The following CEP192 variants were observed in gnomAD, a reference collection of about 807,000 sequenced individuals.
CEP192 encodes the protein centrosomal protein of 192 kDa.
A neutral mutation model predicts 271.8 loss-of-function variants in CEP192; 151 were observed. The observed-to-expected ratio is 0.56, with a 90% CI of 0.49 to 0.64. The LOEUF is 0.64. Ranked by LOEUF, CEP192 falls within the 30% of genes least tolerant of loss-of-function variation. The pLI is 0.00. For missense variants in CEP192, 2,910 were observed against 3,020.5 expected (o/e 0.96, Z 0.86); for synonymous variants, 995 against 1,076.5 (o/e 0.92, Z 1.48).
At chr18:13,046,137 C>T (rs1350580112) in intron 15 of CEP192, among the ~76,000 whole-genome samples, 1 of 152,064 alleles carries the variant, frequency 6.6e-6, no homozygotes, top group Non-Finnish European at 1.5e-5. Context: ...GGGGGGGCCT[C>T]AGGAAGCTTG....
At chr18:13,027,515 G>A (rs2035370290) in intron 9 of CEP192, among the ~76,000 whole-genome samples, 1 of 152,092 alleles carries the variant, frequency 6.6e-6, no homozygotes, top group African/African-American at 2.4e-5. Context: ...TTTCTGCTTG[G>A]GAGTATATCC....
intron 4 of CEP192, among the ~76,000 whole-genome samples, chr18:13,009,790 G>A (rs754911013): frequency 2.0e-5 from 3 of 152,198 alleles, no homozygotes; most frequent in Non-Finnish European, 4.4e-5. Flanking sequence ...CCGAGATCGT[G>A]CCACTGTACT....
At chr18:13,033,629 A>C (rs1336226199) in intron 11 of CEP192, among the ~76,000 whole-genome samples, 1 of 152,242 alleles carries the variant, frequency 6.6e-6, no homozygotes, top group Non-Finnish European at 1.5e-5. Flanking sequence ...TACTTGCAGC[A>C]TTGTCTGTGA....
intron 9 of CEP192, among the ~76,000 whole-genome samples, chr18:13,026,500 GTCTTC>G (rs1002704765): frequency 6.6e-6 from 1 of 151,970 alleles, no homozygotes; most frequent in African/African-American, 2.4e-5. Flanking sequence ...CTTTCTGTTT[GTCTTC>G]TCTTTTTGAT....
At chr18:13,053,190 G>A (rs2036896875) in intron 18 of CEP192, 100 bp downstream of exon 18, 6 of 949,424 alleles carry the variant, frequency 6.3e-6, no homozygotes, top group Admixed American at 2.5e-5. Flanking sequence ...TATAACTTCA[G>A]TGTTGCTCTT....
intron 1 of CEP192, among the ~76,000 whole-genome samples, chr18:12,995,052 AATT>A (rs1434238005): frequency 8.3e-5 from 11 of 132,356 alleles, no homozygotes; most frequent in Non-Finnish European, 1.6e-5. Flanking sequence ...ACATGGGAGG[AATT>A]TTTTTTTTTT....
chr18:13,057,804 C>G, intron 20 of CEP192, 71 bp downstream of exon 20: 1 of 1,471,650 alleles, frequency 6.8e-7, no homozygotes, highest in Non-Finnish European at 9.4e-7. Flanking sequence ...TCCCCCATCT[C>G]TAGTGCTAGG....
chr18:13,018,067 C>T (rs1169560761), intron 7 of CEP192, among the ~76,000 whole-genome samples: 1 of 152,118 alleles, frequency 6.6e-6, no homozygotes, highest in Non-Finnish European at 1.5e-5. Context: ...AACAGTTTCT[C>T]ATGAATGGAT....
chr18:13,087,862 C>T (rs186184362), intron 32 of CEP192, among the ~76,000 whole-genome samples: 1 of 152,132 alleles, frequency 6.6e-6, no homozygotes, highest in Non-Finnish European at 1.5e-5. Flanking sequence ...TAGAATGTGC[C>T]TTCTTTTCTA....
chr18:13,081,548 A>G (rs2038608550), intron 30 of CEP192, among the ~76,000 whole-genome samples: 1 of 152,058 alleles, frequency 6.6e-6, no homozygotes, highest in Non-Finnish European at 1.5e-5. Context: ...TAGTCTTGCT[A>G]GCAGTCTATC....
intron 20 of CEP192, 135 bp downstream of exon 20, chr18:13,057,868 C>A: frequency 2.8e-6 from 2 of 716,170 alleles, no homozygotes; most frequent in Non-Finnish European, 4.4e-6. Context: ...GTATCTTTCT[C>A]TCAGACCCCT....
intron 15 of CEP192, 116 bp from the exon 16 acceptor site, chr18:13,048,743 G>A (rs2036611637): frequency 1.5e-6 from 1 of 670,304 alleles, no homozygotes; most frequent in East Asian, 2.7e-5. Flanking sequence ...TACTATCTGA[G>A]GTTTCAGGTA....
chr18:13,113,642 T>G lies in CEP192; in HGVS notation c.7104T>G (p.Val2368=), dbSNP rs1457051308. Reference sequence around the variant, plus strand: ...GGGATTATGCCCAGTTTTGGGATGTTGAATGTCACCCTCTTAAGGAGCCTC... The same window carrying G: ...GGGATTATGCCCAGTTTTGGGATGTGGAATGTCACCCTCTTAAGGAGCCTC... ...GRGDYAQFWD[V]ECHPLKEPHM... is the part of the protein sequence containing the mutation. The change falls in exon 41 of 45, where the codon GTT becomes GTG. Residue 2368 remains valine, a synonymous_variant. Coordinates refer to ENST00000506447, the MANE Select transcript of CEP192 (RefSeq NM_032142.4). The G allele has an allele frequency of 1.2e-5, 20 of 1,613,430 alleles. No individual in the cohort carries two copies. In the Middle Eastern group the frequency reaches 4.9e-4, roughly 40 times the overall value.
At chr18:13,010,933 A>G (rs1322983322) in intron 4 of CEP192, among the ~76,000 whole-genome samples, 1 of 152,116 alleles carries the variant, frequency 6.6e-6, no homozygotes, top group Non-Finnish European at 1.5e-5. Flanking sequence ...ATGCAATTCA[A>G]AACCACAATG....
At chr18:13,018,871 A>C (rs2034818178) in intron 8 of CEP192, among the ~76,000 whole-genome samples, 1 of 152,174 alleles carries the variant, frequency 6.6e-6, no homozygotes, top group Non-Finnish European at 1.5e-5. Context: ...TTGATAATTA[A>C]ATATGAATTC....
At position 13,030,600 on chromosome 18, in the gene CEP192, G is replaced by T. The variant is rs758524509; in HGVS notation, c.1526G>T (p.Arg509Ile). 5 of 1,606,488 alleles carry T rather than the reference G, an allele frequency of 3.1e-6. No homozygotes were observed. The highest frequency in any genetic ancestry group is 4.3e-6 in the Non-Finnish European group (5 of 1,174,410). ...SLSDEMNEDF[R>I]SGSEAFDLIA... ...AGTGATGAGATGAATGAAGACTTCA[G>T]ATCTGGTTGTAAGTATATGGATAAA... The change falls in exon 11 of 45, where the codon AGA (arginine) becomes ATA (isoleucine). Residue 509 changes from arginine (R) to isoleucine (I), a missense_variant. Physicochemically the swap from Arg to Ile is moderately conservative, Grantham distance 97. Transcript: ENST00000506447.
chr18:13,057,523 T>A, intron 19 of CEP192, 62 bp from the exon 20 acceptor site: 1 of 1,573,164 alleles, frequency 6.4e-7, no homozygotes, highest in Non-Finnish European at 8.7e-7. Flanking sequence ...TTTAACAGAT[T>A]TGGCTTATAA....
intron 30 of CEP192, among the ~76,000 whole-genome samples, chr18:13,081,876 C>G (rs1008880736): frequency 6.6e-6 from 1 of 152,196 alleles, no homozygotes; most frequent in Non-Finnish European, 1.5e-5. Flanking sequence ...AGTAGTCATT[C>G]AGGAGCAGGT....
chr18:13,020,912 A>T (rs1472247329), intron 9 of CEP192, among the ~76,000 whole-genome samples: 1 of 151,954 alleles, frequency 6.6e-6, no homozygotes, highest in Non-Finnish European at 1.5e-5. Context: ...CCCACTTTTT[A>T]ATTGAGTTTT....
Sources: allele counts gnomAD v4.1 joint callset (sites outside exome capture counted in the v4.1 genomes callset), GRCh38; gene constraint gnomAD v4.1.1; transcripts MANE v1.5; gene names NCBI Gene and HGNC (gene_info 2026-07-23, HGNC 2026-07-21).